DNHD1: variants seen among roughly 807,000 people sequenced by gnomAD.
DNHD1 encodes dynein heavy chain domain-containing protein 1.
A neutral mutation model predicts 458.1 loss-of-function variants in DNHD1; 383 were observed. The ratio of observed to expected loss-of-function variants is 0.84; its 90% CI spans 0.77 to 0.91. DNHD1 has a LOEUF of 0.91. DNHD1 is among the 40% of genes least tolerant of loss of function. DNHD1 has a pLI of 0.00. For missense variants in DNHD1, 5,336 were observed against 5,866.1 expected (o/e 0.91, Z 2.95); for synonymous variants, 2,203 against 2,376.9 (o/e 0.93, Z 2.13).
chr11:6,544,532 C>A, intron 19 of DNHD1, 42 bp from the exon 20 acceptor site: 7 of 1,487,592 alleles, frequency 4.7e-6, no homozygotes, highest in Non-Finnish European at 6.4e-6. Context: ...GAAGGTAGAA[C>A]CCTAGTGTTT....
In DNHD1 at chr11:6,527,055, C is replaced by T. The variant is rs61876846; in HGVS notation, c.1838-1467C>T. ...TTTAGGATCTGTGAGGATCCCTTGCCCTCATTTGTTAAAAAATGCTATCCT... is the reference window on the plus strand; with the variant it reads ...TTTAGGATCTGTGAGGATCCCTTGCTCTCATTTGTTAAAAAATGCTATCCT... On this transcript the variant is annotated intron_variant, in intron 10 of 42. Coordinates refer to ENST00000254579, the MANE Select transcript of DNHD1 (RefSeq NM_144666.3). 9.9e-3 allele frequency among the ~76,000 whole-genome samples: 1,513 copies of T among 152,284 alleles called. 16 individuals carry two copies. Among genetic ancestry groups the T allele is most frequent in the South Asian group, 0.018 (85 of 4,822 alleles).
Position 6,509,150 on chromosome 11 carries a change from T to C in DNHD1, c.1125-12T>C. On this transcript the variant is annotated splice_polypyrimidine_tract_variant and intron_variant, in intron 5 of 42. Coordinates refer to ENST00000254579, the MANE Select transcript of DNHD1 (RefSeq NM_144666.3). ...CAGCAACAGTATATTATCACTGACC[T>C]CTAATTTCTAGTTGGAAGAAGAATG... is the stretch of plus-strand genomic sequence containing the variant. The C allele has an allele frequency of 6.2e-7, 1 of 1,614,128 alleles. No homozygotes were observed. Among genetic ancestry groups the C allele is most frequent in the Non-Finnish European group, 8.5e-7 (1 of 1,179,978 alleles).
Position 6,557,877 on chromosome 11 carries a change from A to G in DNHD1, c.8582A>G (p.His2861Arg). The change falls in exon 25 of 43, where the codon CAC (histidine) becomes CGC (arginine). Residue 2861 changes from histidine (H) to arginine (R), a missense_variant. Around this residue, in one of 4 missense-constraint regions of DNHD1, gnomAD observed 3,932 missense variants for 4,365.6 expected, o/e 0.90. Transcript: ENST00000254579. ...GCTGCTCAACTGAAGTTGAGCCCCC[A>G]CCTGGCCCGGTGTCATTCCATGGCC... ...TSAAQLKLSPHLARCHSMAQH... is the reference protein window; with the variant it reads ...TSAAQLKLSPRLARCHSMAQH... 6.4e-7 allele frequency: 1 copy of G among 1,550,920 alleles called. No individual in the cohort carries two copies.
intron 7 of DNHD1, among the ~76,000 whole-genome samples, chr11:6,517,314 G>T (rs1852495830): frequency 6.6e-6 from 1 of 152,118 alleles, no homozygotes; most frequent in African/African-American, 2.4e-5. Context: ...ATAACTAAAA[G>T]TTTGAACCCT....
In DNHD1 at chr11:6,538,695, C is replaced by G. The variant is rs1233403025; in HGVS notation, c.3210C>G (p.Ser1070Arg). Residue 1070 changes from serine (S) to arginine (R), a missense_variant, in exon 16 of 43, where the codon AGC becomes AGG. Around this residue, in one of 4 missense-constraint regions of DNHD1, gnomAD observed 3,932 missense variants for 4,365.6 expected, o/e 0.90. Transcript: ENST00000254579. ...ARMSTTLELH[S>R]PVLQHCMRIL... The stretch of plus-strand genomic sequence containing the variant: ...TGAGCACAACCCTGGAGCTGCACAG[C>G]CCCGTGCTGCAGCACTGCATGCGCA... 1.3e-6 allele frequency: 2 copies of G among 1,550,026 alleles called. No homozygotes were observed. Among genetic ancestry groups the G allele is most frequent in the African/African-American group, 2.7e-5 (2 of 73,042 alleles).
At chr11:6,566,824 G>C in intron 35 of DNHD1, 59 bp downstream of exon 35, 7 of 1,599,380 alleles carry the variant, frequency 4.4e-6, no homozygotes, top group Non-Finnish European at 6.0e-6. Flanking sequence ...GGGTAAGGGG[G>C]TGGAGATGAA....
In DNHD1 at chr11:6,547,288, G is replaced by A. The variant is rs1468246589; in HGVS notation, c.6349G>A (p.Ala2117Thr). 1.3e-6 allele frequency: 2 copies of A among 1,551,710 alleles called. No homozygotes were observed. The highest frequency in any genetic ancestry group is 3.9e-5 in the Admixed American group (2 of 50,992). Residue 2117 changes from alanine (A) to threonine (T), a missense_variant, in exon 21 of 43, where the codon GCA (alanine) becomes ACA (threonine). Ala to Thr is a moderately conservative substitution (Grantham distance 58). Coordinates refer to ENST00000254579, the MANE Select transcript of DNHD1 (RefSeq NM_144666.3). ...TAGTCTCCCCAGTGGACAGCAGATA[G>A]CACGACCCCCAGGCACCTTTCTCTT... is the stretch of plus-strand genomic sequence containing the variant. ...QLSLPSGQQIARPPGTFLLME... is the reference protein window; with the variant it reads ...QLSLPSGQQITRPPGTFLLME...
intron 13 of DNHD1, 88 bp downstream of exon 13, chr11:6,533,272 C>G: frequency 2.3e-6 from 3 of 1,314,236 alleles, no homozygotes; most frequent in Non-Finnish European, 3.1e-6. Flanking sequence ...CTCTGCTGAG[C>G]CCCCAGCAGA....
At chr11:6,553,262 G>T (rs1853399532) in intron 24 of DNHD1, among the ~76,000 whole-genome samples, 1 of 152,180 alleles carries the variant, frequency 6.6e-6, no homozygotes, top group African/African-American at 2.4e-5. Flanking sequence ...AAATGAGTAA[G>T]TAATATTAGT....
At position 6,528,723 on chromosome 11, in the gene DNHD1, A is replaced by T; in HGVS notation, c.2039A>T (p.Glu680Val). Residue 680 changes from glutamate to valine, a missense_variant, in exon 11 of 43, where the codon GAG becomes GTG. This residue lies in a region of DNHD1 where 3,932 missense variants were observed against 4,365.6 expected (regional missense o/e 0.90). Coordinates refer to ENST00000254579, the MANE Select transcript of DNHD1 (RefSeq NM_144666.3). ...TTCCCCCACAATTATAAGCAGCTGG[A>T]GGAAGACCTGGACAACAACCCTAAG... Reference protein sequence around the residue: ...QYFPHNYKQLEEDLDNNPKIQ... With the variant: ...QYFPHNYKQLVEDLDNNPKIQ... 2.2e-5 allele frequency: 34 copies of T among 1,551,720 alleles called. No individual in the cohort carries two copies. Among genetic ancestry groups the T allele is most frequent in the Non-Finnish European group, 2.9e-5 (33 of 1,146,992 alleles).
intron 24 of DNHD1, among the ~76,000 whole-genome samples, chr11:6,556,414 G>A (rs1037058872): frequency 2.0e-5 from 3 of 152,086 alleles, no homozygotes; most frequent in African/African-American, 7.3e-5. Context: ...TTAACCTTCA[G>A]TTAATGATTA....
chr11:6,521,775 C>T (rs774712698), intron 10 of DNHD1, among the ~76,000 whole-genome samples: 11 of 152,148 alleles, frequency 7.2e-5, no homozygotes, highest in Non-Finnish European at 1.3e-4. Context: ...CTCTGTCATC[C>T]AGGCTGAAGT....
At position 6,502,847 on chromosome 11, in the gene DNHD1, A is replaced by C. The variant is rs1333288968; in HGVS notation, c.841A>C (p.Met281Leu). 1.2e-6 allele frequency: 2 copies of C among 1,613,186 alleles called. No individual in the cohort carries two copies. Among genetic ancestry groups the C allele is most frequent in the East Asian group, 2.2e-5 (1 of 44,808 alleles). The stretch of plus-strand genomic sequence containing the variant: ...GACTTCCTTCCTGGATAGCCAGGTG[A>C]TGACTGCTCTGAAGATGGAGAGATA... The part of the protein sequence containing the change: ...PETSFLDSQV[M>L]TALKMERYLK... The change falls in exon 4 of 43, where the codon ATG becomes CTG. Residue 281 changes from methionine to leucine, a missense_variant. Met to Leu is a conservative substitution (Grantham distance 15, BLOSUM62 2). Coordinates refer to ENST00000254579, the MANE Select transcript of DNHD1 (RefSeq NM_144666.3).
Position 6,533,157 on chromosome 11 carries a change from T to C in DNHD1, c.2478T>C (p.Ile826=), listed in dbSNP as rs1466619076. 6.4e-7 allele frequency: 1 copy of C among 1,551,626 alleles called. No homozygotes were observed. Among genetic ancestry groups the C allele is most frequent in the Non-Finnish European group, 8.7e-7 (1 of 1,146,986 alleles). ...TCTTCCGAACCATCAACTCAGATATTCATGCCATTGCACAGTGCACCCAGA... is the reference window on the plus strand; with the variant it reads ...TCTTCCGAACCATCAACTCAGATATCCATGCCATTGCACAGTGCACCCAGA... ...MHIFRTINSD[I]HAIAQCTQKL... is the part of the protein sequence containing the mutation. The change falls in exon 13 of 43, where the codon ATT becomes ATC. Residue 826 remains isoleucine (I), a synonymous_variant. Transcript: ENST00000254579.
rs766176492 is a variant in DNHD1 at position 6,548,172 on chromosome 11, ACTGT to A, written c.6906-34_6906-31del. The A allele has an allele frequency of 6.5e-7, 1 of 1,548,660 alleles. No individual in the cohort carries two copies. Among genetic ancestry groups the A allele is most frequent in the South Asian group, 1.2e-5 (1 of 83,962 alleles). On this transcript the variant is annotated intron_variant, in intron 22 of 42. Transcript: ENST00000254579. This position sits in a 1 kb window ranked among gnomAD's most constrained non-coding sequence, Gnocchi z 4.4. The stretch of plus-strand genomic sequence containing the variant: ...GTGTGTCATAAATGGAAGTGTTGTA[ACTGT>A]CTGACGCTTTTGCCTGTGTGTCCAT...
At chr11:6,544,507 G>T in intron 19 of DNHD1, 67 bp from the exon 20 acceptor site, 1 of 1,330,498 alleles carries the variant, frequency 7.5e-7, no homozygotes, top group South Asian at 1.3e-5. Context: ...CAGGAGCAGG[G>T]TGGACTCCCC....
At chr11:6,528,404 G>GGTGTGT (rs55919773) in intron 10 of DNHD1, 118 bp from the exon 11 acceptor site, 65,060 of 876,248 alleles carry the variant, frequency 0.074, 862 homozygotes, top group Admixed American at 0.13. Flanking sequence ...GCAGCGAATG[G>GGTGTGT]GTGTGTGTGT....
chr11:6,502,927 GTGA>G lies in DNHD1; in HGVS notation c.920+3_920+5del. The G allele has an allele frequency of 6.2e-7, 1 of 1,613,166 alleles. No homozygotes were observed. Among genetic ancestry groups the G allele is most frequent in the Non-Finnish European group, 8.5e-7 (1 of 1,179,628 alleles). ...ATGTGGCTCCCAGCCGGTACTTTAG[GTGA>G]TAGCCTATGTCCAGGCCCCTTCTCC... On this transcript the variant is annotated splice_donor_variant and splice_donor_region_variant and intron_variant, in intron 4 of 42. Coordinates refer to ENST00000254579, the MANE Select transcript of DNHD1 (RefSeq NM_144666.3). LOFTEE classifies it high-confidence loss of function.
Position 6,548,987 on chromosome 11 carries a change from A to G in DNHD1, c.7387+54A>G. 6.6e-7 allele frequency: 1 copy of G among 1,515,260 alleles called. No individual in the cohort carries two copies. The allele number at this position is 1,515,260 out of a possible 1,614,324, so 93.9% of individuals were successfully genotyped here. A position where few individuals can be genotyped will look rare whatever the true frequency, so the allele number is the denominator to read the frequency against. ...AGCTACTGTCATCTCTTGAGACTAT[A>G]AAATCCCTAGCAATATTCATTGACT... On this transcript the variant is annotated intron_variant, in intron 24 of 42. Coordinates refer to ENST00000254579, the MANE Select transcript of DNHD1 (RefSeq NM_144666.3). The surrounding 1 kb of genome is among the most constrained non-coding windows in gnomAD (Gnocchi z 4.4).
Sources: allele counts gnomAD v4.1 joint callset (sites outside exome capture counted in the v4.1 genomes callset), GRCh38; gene constraint gnomAD v4.1.1; regional missense constraint gnomAD v4.1.1; non-coding constraint Gnocchi (gnomAD v3.1); transcripts MANE v1.5; gene names NCBI Gene and HGNC (gene_info 2026-07-23, HGNC 2026-07-21).